UBALD2: variants seen among roughly 807,000 people sequenced by gnomAD.
UBALD2 encodes UBA-like domain-containing protein 2.
A neutral mutation model predicts 15.9 loss-of-function variants in UBALD2; 8 were observed. That is an observed-to-expected ratio of 0.50 (90% CI 0.29 to 0.91). The LOEUF is 0.91. UBALD2 is among the 40% of genes least tolerant of loss of function. The pLI is 0.07. For missense variants in UBALD2, 178 were observed against 234.8 expected, an observed-to-expected ratio of 0.76 and a Z score of 1.58; for synonymous variants, 113 against 97.7, an observed-to-expected ratio of 1.16 and a Z score of -0.93.
intron 1 of UBALD2, 80 bp from the exon 2 acceptor site, chr17:76,265,827 G>A: frequency 2.6e-6 from 4 of 1,519,418 alleles, no homozygotes; most frequent in East Asian, 2.5e-5. Flanking sequence ...CGCGGAGGCG[G>A]GGAGAGCCGG....
chr17:76,265,837 G>A (rs1294736244), intron 1 of UBALD2, 70 bp from the exon 2 acceptor site: 39 of 1,534,022 alleles, frequency 2.5e-5, no homozygotes, highest in Non-Finnish European at 3.4e-5. Flanking sequence ...GGGAGAGCCG[G>A]TGGGGGGCCC....
rs1568096689 is a variant in UBALD2, at chr17:76,268,729, CTG to C, written c.184-1463_184-1462del. Among the ~76,000 whole-genome samples, 5 of 143,220 alleles carry C rather than the reference CTG, an allele frequency of 3.5e-5. No homozygotes were observed. The East Asian group carries it at 7.9e-4, about 23-fold the overall frequency. 94.0% of individuals were successfully genotyped at this position (143,220 alleles called of 152,430 possible). ...CGGTTTCTAGCTGTGAAAGCTCCCT[CTG>C]TTTTTTTTTTTTTTTTTTTTGAGAC... On this transcript the variant is annotated intron_variant, in intron 2 of 2. Coordinates refer to ENST00000327490, the MANE Select transcript of UBALD2 (RefSeq NM_182565.4).
At chr17:76,270,051 A>G (rs957076428) in intron 2 of UBALD2, 143 bp from the exon 3 acceptor site, 2 of 782,862 alleles carry the variant, frequency 2.6e-6, no homozygotes, top group Middle Eastern at 3.1e-4. Context: ...GGGAGAGGGC[A>G]CTTTTGTCCT....
chr17:76,267,665 T>C (rs1359576409), intron 2 of UBALD2, among the ~76,000 whole-genome samples: 2 of 150,692 alleles, frequency 1.3e-5, no homozygotes, highest in Non-Finnish European at 3.0e-5. Context: ...GCAATTTCTT[T>C]TCTTTTTTTT....
At chr17:76,266,711 C>T (rs565558445) in intron 2 of UBALD2, among the ~76,000 whole-genome samples, 5 of 152,250 alleles carry the variant, frequency 3.3e-5, no homozygotes, top group Admixed American at 2.6e-4. Context: ...AGCTTTTGCC[C>T]TCCTGGCCAT....
chr17:76,270,380 T>G lies in UBALD2; in HGVS notation c.370T>G (p.Trp124Gly). The G allele has an allele frequency of 6.5e-7, 1 of 1,539,958 alleles. No homozygotes were observed. Among genetic ancestry groups the G allele is most frequent in the South Asian group, 1.2e-5 (1 of 84,050 alleles). Reference protein sequence around the residue: ...ASSPPSHQAPWIPPSSPTTFH... With the variant: ...ASSPPSHQAPGIPPSSPTTFH... The stretch of plus-strand genomic sequence containing the variant: ...GTCCCCGCCCAGCCACCAGGCGCCC[T>G]GGATCCCGCCCTCCTCCCCCACCAC... Residue 124 changes from tryptophan (W) to glycine (G), a missense_variant, in exon 3 of 3, where the codon TGG becomes GGG. Transcript: ENST00000327490.
Position 76,270,559 on chromosome 17 carries a change from G to C in UBALD2, c.*54G>C. 3 of 1,379,352 alleles carry C rather than the reference G, an allele frequency of 2.2e-6. No individual in the cohort carries two copies. The highest frequency in any genetic ancestry group is 2.8e-6 in the Non-Finnish European group (3 of 1,066,724). 85.4% of individuals were successfully genotyped at this position (1,379,352 alleles called of 1,614,324 possible). A position where few individuals can be genotyped will look rare whatever the true frequency, so the allele number is the denominator to read the frequency against. On this transcript the variant is annotated 3_prime_UTR_variant, in exon 3 of 3. Transcript: ENST00000327490. ...AGCTGGGGGCAGCCCAGGGTTGTGG[G>C]GACACAGGAGGGCCAGGGAGGGGGG...
At position 76,265,965 on chromosome 17, in the gene UBALD2, A is replaced by G. The variant is rs1410547217; in HGVS notation, c.179A>G (p.Gln60Arg). The G allele has an allele frequency of 1.3e-6, 2 of 1,587,562 alleles. No homozygotes were observed. The highest frequency in any genetic ancestry group is 1.7e-6 in the Non-Finnish European group (2 of 1,168,082). ...ATTCCCAACAGCCACCACCACCACC[A>G]GATGGTAAGCGGCGGCGGGCAGGGG... Reference protein sequence around the residue: ...TNIPNSHHHHQMMCTPSNTPA... With the variant: ...TNIPNSHHHHRMMCTPSNTPA... Residue 60 changes from glutamine (Q) to arginine (R), a missense_variant, in exon 2 of 3, where the codon CAG becomes CGG. Physicochemically the swap from Gln to Arg is conservative, Grantham distance 43. Coordinates refer to ENST00000327490, the MANE Select transcript of UBALD2 (RefSeq NM_182565.4).
At position 76,269,933 on chromosome 17, in the gene UBALD2, C is replaced by T. The variant is rs2070572911; in HGVS notation, c.184-261C>T. 6.6e-6 allele frequency among the ~76,000 whole-genome samples: 1 copy of T among 152,186 alleles called. No homozygotes were observed. The highest frequency in any genetic ancestry group is 1.9e-4 in the East Asian group (1 of 5,184). ...ACCTTAGCTCCTGGGTGCAATTAAC[C>T]ATTTACTTTGAATGCTCCTCGGGGT... is the stretch of plus-strand genomic sequence containing the variant. On this transcript the variant is annotated intron_variant, in intron 2 of 2. Coordinates refer to ENST00000327490, the MANE Select transcript of UBALD2 (RefSeq NM_182565.4). The surrounding 1 kb of genome is among the most constrained non-coding windows in gnomAD (Gnocchi z 4.6).
In UBALD2 at chr17:76,269,014, C is replaced by T. The variant is rs2070566059; in HGVS notation, c.184-1180C>T. Among the ~76,000 whole-genome samples, 2 of 152,122 alleles carry T rather than the reference C, an allele frequency of 1.3e-5. No individual in the cohort carries two copies. Among genetic ancestry groups the T allele is most frequent in the Admixed American group, 6.6e-5 (1 of 15,264 alleles). ...CCTCCCAAAGTGCTGGGATTACAGA[C>T]GTGAGCCACTGCGCCCTGCCAAAGC... is the stretch of plus-strand genomic sequence containing the variant. On this transcript the variant is annotated intron_variant, in intron 2 of 2. Coordinates refer to ENST00000327490, the MANE Select transcript of UBALD2 (RefSeq NM_182565.4). The surrounding 1 kb of genome is among the most constrained non-coding windows in gnomAD (Gnocchi z 4.6).
chr17:76,268,494 G>A (rs926740913), intron 2 of UBALD2, among the ~76,000 whole-genome samples: 1 of 151,814 alleles, frequency 6.6e-6, no homozygotes, highest in Non-Finnish European at 1.5e-5. Flanking sequence ...AGGGTGGGGG[G>A]GGGGCAGGGA....
chr17:76,265,438 C>G lies in UBALD2; in HGVS notation c.-68C>G, dbSNP rs2070536538. The G allele has an allele frequency of 1.0e-6, 1 of 988,388 alleles. No individual in the cohort carries two copies. The highest frequency in any genetic ancestry group is 1.8e-5 in the African/African-American group (1 of 56,694). The allele number at this position is 988,388 out of a possible 1,614,324, so 61.2% of individuals were successfully genotyped here. On this transcript the variant is annotated 5_prime_UTR_variant, in exon 1 of 3. Coordinates refer to ENST00000327490, the MANE Select transcript of UBALD2 (RefSeq NM_182565.4). The stretch of plus-strand genomic sequence containing the variant: ...AGCCCCGGAGCCCCGGGCGGCCGGC[C>G]TCCCGCGCCCGCGCAGCCCCGCGTC...
intron 2 of UBALD2, 110 bp from the exon 3 acceptor site, chr17:76,270,083 AT>A: frequency 8.6e-7 from 1 of 1,161,312 alleles, no homozygotes; most frequent in South Asian, 1.4e-5. Context: ...TTGTGCGAAA[AT>A]GAATGAAGCT....
chr17:76,268,715 T>C (rs2070563306), intron 2 of UBALD2, among the ~76,000 whole-genome samples: 1 of 150,018 alleles, frequency 6.7e-6, no homozygotes. Flanking sequence ...GGTTTCTAGC[T>C]GTGAAAGCTC....
chr17:76,268,619 G>C (rs1468623661), intron 2 of UBALD2, among the ~76,000 whole-genome samples: 1 of 152,112 alleles, frequency 6.6e-6, no homozygotes, highest in African/African-American at 2.4e-5. Flanking sequence ...TTGGTGCCCT[G>C]GGTGCTGACA....
intron 1 of UBALD2, 40 bp downstream of exon 1, chr17:76,265,665 G>C: frequency 8.7e-7 from 1 of 1,148,460 alleles, no homozygotes; most frequent in Non-Finnish European, 1.1e-6. Flanking sequence ...CGCGGGGGTC[G>C]GGGACGCCGG....
chr17:76,266,489 A>G (rs1464816367), intron 2 of UBALD2, among the ~76,000 whole-genome samples: 2 of 152,082 alleles, frequency 1.3e-5, no homozygotes, highest in Non-Finnish European at 2.9e-5. Context: ...GCCGGGCTCT[A>G]CCCACAAAGA....
intron 2 of UBALD2, among the ~76,000 whole-genome samples, chr17:76,267,490 CTTTTTTTTT>C (rs55819046): frequency 4.3e-5 from 5 of 115,096 alleles, no homozygotes; most frequent in East Asian, 2.4e-4. Flanking sequence ...TTCATGGTTT[CTTTTTTTTT>C]TTTTTTTTTT....
In UBALD2 at chr17:76,270,314, G is replaced by A. The variant is rs1271837012; in HGVS notation, c.304G>A (p.Ala102Thr). 6.2e-7 allele frequency: 1 copy of A among 1,609,226 alleles called. No homozygotes were observed. Among genetic ancestry groups the A allele is most frequent in the Non-Finnish European group, 8.5e-7 (1 of 1,179,376 alleles). ...QSSNSPMTAA[A>T]CSPPANFSPF... is the part of the protein sequence containing the mutation. Reference sequence around the variant, plus strand: ...CAGCAACAGCCCCATGACAGCCGCAGCCTGCTCCCCACCTGCAAACTTCAG... The same window carrying A: ...CAGCAACAGCCCCATGACAGCCGCAACCTGCTCCCCACCTGCAAACTTCAG... The change falls in exon 3 of 3, where the codon GCC becomes ACC. Residue 102 changes from alanine (A) to threonine (T), a missense_variant. Coordinates refer to ENST00000327490, the MANE Select transcript of UBALD2 (RefSeq NM_182565.4).
Sources: gnomAD v4.1 joint callset for allele counts (sites outside exome capture counted in the v4.1 genomes callset) on GRCh38, gnomAD v4.1.1 for gene constraint, Gnocchi (gnomAD v3.1) non-coding constraint, MANE v1.5 for transcripts, NCBI Gene and HGNC (gene_info 2026-07-23, HGNC 2026-07-21) for gene names.